Variants in MACF1 observed in about 807,000 individuals in gnomAD.
MACF1 encodes the protein microtubule-actin cross-linking factor 1.
Under a neutral mutation model 854.8 loss-of-function variants are expected in MACF1, and 193 were observed. The observed-to-expected ratio is 0.23, with a 90% CI of 0.20 to 0.25. The LOEUF (loss-of-function observed/expected upper bound fraction) is 0.25. Among genes scored for constraint, MACF1 ranks in the 10% least tolerant of loss-of-function variants. The probability of loss-of-function intolerance (pLI) is 1.00; values close to 1 mark genes in which losing one functional copy is unlikely to be tolerated. For missense variants in MACF1, 7,722 were observed against 8,929.1 expected, an observed-to-expected ratio of 0.86 and a Z score of 5.45; for synonymous variants, 3,185 against 3,226.7, an observed-to-expected ratio of 0.99 and a Z score of 0.44.
intron 87 of MACF1, 73 bp downstream of exon 87, chr1:39,452,885 C>A: frequency 6.5e-7 from 1 of 1,531,408 alleles, no homozygotes. Flanking sequence ...TAAATGAAAG[C>A]AACTTTTTCT....
intron 23 of MACF1, among the ~76,000 whole-genome samples, chr1:39,306,624 T>G (rs1292553120): frequency 1.3e-5 from 2 of 150,740 alleles, no homozygotes; most frequent in Non-Finnish European, 3.0e-5. Context: ...TTTTTTTTTT[T>G]TTTTAGTCCG....
At chr1:39,358,954 T>G in intron 46 of MACF1, 81 bp downstream of exon 46, 1 of 1,497,266 alleles carries the variant, frequency 6.7e-7, no homozygotes, top group East Asian at 2.3e-5. Context: ...AAGCAAATGC[T>G]TACATAAAAT....
intron 1 of MACF1, among the ~76,000 whole-genome samples, chr1:39,213,425 G>A (rs1164691751): frequency 2.0e-5 from 3 of 152,094 alleles, no homozygotes; most frequent in Non-Finnish European, 2.9e-5. Flanking sequence ...TCTACCTCCC[G>A]GGTTCAAGCA....
chr1:39,201,313 ACC>A (rs1305286196), upstream of MACF1, among the ~76,000 whole-genome samples: 1 of 151,904 alleles, frequency 6.6e-6, no homozygotes, highest in African/African-American at 2.4e-5. Context: ...GTTTCCCTGT[ACC>A]CACTCTTATC....
intron 99 of MACF1, among the ~76,000 whole-genome samples, chr1:39,483,086 C>CAAAA (rs1198703166): frequency 5.3e-4 from 12 of 22,760 alleles, no homozygotes; most frequent in Admixed American, 1.4e-3. Context: ...GACTCTGTCT[C>CAAAA]AAAAAAAAAA....
intron 89 of MACF1, 99 bp from the exon 90 acceptor site, chr1:39,458,271 C>T: frequency 8.4e-7 from 1 of 1,190,510 alleles, no homozygotes; most frequent in South Asian, 1.6e-5. Context: ...CCTTTCCTGC[C>T]ACCACAGGCC....
intron 49 of MACF1, among the ~76,000 whole-genome samples, chr1:39,365,171 G>A (rs1648585931): frequency 6.6e-6 from 1 of 152,018 alleles, no homozygotes; most frequent in African/African-American, 2.4e-5. Context: ...CTGCCTTCTG[G>A]GTCCATGCCA....
chr1:39,303,347 T>G (rs1232394417), intron 23 of MACF1, among the ~76,000 whole-genome samples: 2 of 152,178 alleles, frequency 1.3e-5, no homozygotes, highest in South Asian at 4.1e-4. Flanking sequence ...AAGATTGATT[T>G]TTTTACCAGC....
At chr1:39,134,352 A>T (rs1386005524) in intron 2 of MACF1, among the ~76,000 whole-genome samples, 1 of 152,062 alleles carries the variant, frequency 6.6e-6, no homozygotes, top group East Asian at 1.9e-4. Flanking sequence ...GGCCAGAAGA[A>T]CAGTCTTAAC....
At chr1:39,485,483 T>C in intron 100 of MACF1, 55 bp from the exon 101 acceptor site, 1 of 1,511,932 alleles carries the variant, frequency 6.6e-7, no homozygotes, top group Non-Finnish European at 8.9e-7. Context: ...TGCTCACTTG[T>C]TCTTCCACCC....
At position 39,431,680 on chromosome 1, in the gene MACF1, T is replaced by C. The variant is rs570597496; in HGVS notation, c.17337+772T>C. Among the ~76,000 whole-genome samples, 6 of 152,266 alleles carry C rather than the reference T, an allele frequency of 3.9e-5. No homozygotes were observed. The East Asian group carries it at 1.2e-3, about 29-fold the overall frequency. On this transcript the variant is annotated intron_variant, in intron 66 of 100. Transcript: ENST00000564288. ...AGTTGAAGAGGAAGAGATAAAAGAC[T>C]GGAGAGGTCAGGCATAGGAGACTGG...
At chr1:39,347,469 A>G (rs895625843) in intron 41 of MACF1, among the ~76,000 whole-genome samples, 1 of 152,198 alleles carries the variant, frequency 6.6e-6, no homozygotes, top group Non-Finnish European at 1.5e-5. Flanking sequence ...GTTTTCTTTT[A>G]GTGAGACTTT....
chr1:39,204,223 G>C (rs951527197), upstream of MACF1: 1 of 152,254 alleles, frequency 6.6e-6, no homozygotes, highest in African/African-American at 2.4e-5. Flanking sequence ...GCAGTGAACT[G>C]ATATCGTGCC....
At chr1:39,432,746 T>C (rs1643895763) in intron 67 of MACF1, 92 bp downstream of exon 67, 3 of 1,291,660 alleles carry the variant, frequency 2.3e-6, no homozygotes, top group Admixed American at 2.8e-5. Flanking sequence ...AGTGGAATAA[T>C]TTAGTGGCAT....
Position 39,429,813 on chromosome 1 carries a change from G to T in MACF1, c.16889-14G>T. On this transcript the variant is annotated splice_polypyrimidine_tract_variant and intron_variant, in intron 64 of 100. Transcript: ENST00000564288. ...GTCTCTTAAATATGAGTAATTGTGT[G>T]CTATCTTCCATAGGTGAGGAGGTGT... 6.2e-7 allele frequency: 1 copy of T among 1,613,396 alleles called. No individual in the cohort carries two copies. Among genetic ancestry groups the T allele is most frequent in the Non-Finnish European group, 8.5e-7 (1 of 1,179,466 alleles).
Position 39,485,796 on chromosome 1 carries a change from A to C in MACF1, c.*2A>C. The C allele has an allele frequency of 6.3e-7, 1 of 1,585,538 alleles. No homozygotes were observed. The highest frequency in any genetic ancestry group is 8.6e-7 in the Non-Finnish European group (1 of 1,163,000). ...AGGACTCCAGGTCCCAAGCGATAAC[A>C]CTGTCTAAGCACCCCCAAGCCACTA... On this transcript the variant is annotated 3_prime_UTR_variant, in exon 101 of 101. Coordinates refer to ENST00000564288, the MANE Select transcript of MACF1 (RefSeq NM_001394062.1).
intron 2 of MACF1, among the ~76,000 whole-genome samples, chr1:39,092,873 TC>T (rs1641841229): frequency 1.3e-5 from 2 of 151,960 alleles, no homozygotes; most frequent in Non-Finnish European, 2.9e-5. Flanking sequence ...AACCTCCGCC[TC>T]CCGGGTTCAA....
Position 39,084,546 on chromosome 1 carries a change from A to G in MACF1, c.220+108A>G, listed in dbSNP as rs1641617499. 7.4e-6 allele frequency: 6 copies of G among 811,342 alleles called. No individual in the cohort carries two copies. The highest frequency in any genetic ancestry group is 6.6e-5 in the South Asian group (4 of 60,742). The allele number at this position is 811,342 out of a possible 1,614,324, so 50.3% of individuals were successfully genotyped here. A position where few individuals can be genotyped will look rare whatever the true frequency, so the allele number is the denominator to read the frequency against. On this transcript the variant is annotated intron_variant, in intron 2 of 93. Coordinates refer to the MACF1 transcript ENST00000361689. This position sits in a 1 kb window ranked among gnomAD's most constrained non-coding sequence, Gnocchi z 5.2. ...AGGGGTCCTCACCAGGGCCTCTGAC[A>G]AAGCAGCCATCATCTGATTTGTTAT...
intron 6 of MACF1, among the ~76,000 whole-genome samples, chr1:39,269,995 A>G (rs1444158188): frequency 6.6e-6 from 1 of 152,226 alleles, no homozygotes; most frequent in East Asian, 1.9e-4. Flanking sequence ...CTCAAGGTGC[A>G]ATGCTAGATA....
Sources: allele counts gnomAD v4.1 joint callset (sites outside exome capture counted in the v4.1 genomes callset), GRCh38; gene constraint gnomAD v4.1.1; non-coding constraint Gnocchi (gnomAD v3.1); transcripts MANE v1.5; gene names NCBI Gene and HGNC (gene_info 2026-07-23, HGNC 2026-07-21).